CBLN2: variants seen among roughly 807,000 people sequenced by gnomAD.
CBLN2 encodes cerebellin 2 precursor.
In CBLN2, 7 loss-of-function variants were observed where a neutral mutation model predicts 15.0. The ratio of observed to expected loss-of-function variants is 0.47; its 90% CI spans 0.27 to 0.88. CBLN2 has a LOEUF of 0.88. Ranked by LOEUF, CBLN2 falls within the 40% of genes least tolerant of loss-of-function variation. The pLI is 0.14. For missense variants in CBLN2, 242 were observed against 304.5 expected, an observed-to-expected ratio of 0.79 and a Z score of 1.53; for synonymous variants, 149 against 135.2, an observed-to-expected ratio of 1.10 and a Z score of -0.71.
chr18:72,596,789 G>A (rs543774168), intron 1 of CBLN2, among the ~76,000 whole-genome samples: 4 of 152,296 alleles, frequency 2.6e-5, no homozygotes, highest in African/African-American at 7.2e-5. Flanking sequence ...GCTGCCAGAT[G>A]TATTGCAGCT....
chr18:72,584,267 C>G (rs1427136488), intron 1 of CBLN2, among the ~76,000 whole-genome samples: 3 of 151,974 alleles, frequency 2.0e-5, no homozygotes, highest in Admixed American at 2.0e-4. Flanking sequence ...CTTTATCATA[C>G]CACACCACCC....
chr18:72,619,473 G>A (rs562941568), intron 1 of CBLN2, among the ~76,000 whole-genome samples: 16 of 152,116 alleles, frequency 1.1e-4, no homozygotes, highest in Non-Finnish European at 2.4e-4. Flanking sequence ...CCAACAAAGG[G>A]TTTTAATATA....
intron 1 of CBLN2, among the ~76,000 whole-genome samples, chr18:72,581,632 C>G (rs1230418775): frequency 6.6e-6 from 1 of 152,146 alleles, no homozygotes; most frequent in African/African-American, 2.4e-5. Context: ...TCTGTATATT[C>G]TCAAAATAAG....
intron 1 of CBLN2, among the ~76,000 whole-genome samples, chr18:72,572,226 T>C (rs1416336720): frequency 6.6e-6 from 1 of 152,066 alleles, no homozygotes; most frequent in African/African-American, 2.4e-5. Context: ...CATTTATTTA[T>C]AAGAACTAAG....
chr18:72,566,415 A>C (rs565699882), intron 1 of CBLN2, among the ~76,000 whole-genome samples: 140 of 152,334 alleles, frequency 9.2e-4, no homozygotes, highest in Admixed American at 4.6e-3. Flanking sequence ...GAATCAACTT[A>C]AGTGTCCATC....
chr18:72,635,856 T>G (rs2144984710), intron 1 of CBLN2, among the ~76,000 whole-genome samples: 1 of 152,236 alleles, frequency 6.6e-6, no homozygotes, highest in East Asian at 1.9e-4. Context: ...TCATATGTAA[T>G]TATCTTCATG....
chr18:72,616,510 T>A (rs1195835350), intron 1 of CBLN2, among the ~76,000 whole-genome samples: 2 of 152,174 alleles, frequency 1.3e-5, no homozygotes, highest in African/African-American at 2.4e-5. Flanking sequence ...TGAGTCTGAT[T>A]CTTGGTCTTT....
chr18:72,606,758 G>A (rs967074463), intron 1 of CBLN2, among the ~76,000 whole-genome samples: 2 of 152,214 alleles, frequency 1.3e-5, no homozygotes, highest in African/African-American at 4.8e-5. Context: ...CAAGGCCTCA[G>A]TGAGAATAAG....
intron 1 of CBLN2, among the ~76,000 whole-genome samples, chr18:72,568,920 A>G (rs1335083983): frequency 6.6e-6 from 1 of 152,204 alleles, no homozygotes; most frequent in Non-Finnish European, 1.5e-5. Context: ...AGTGAAAAAA[A>G]ATCTGAGGAA....
Position 72,538,321 on chromosome 18 carries a change from T to C in CBLN2, c.530A>G (p.Gln177Arg). The change falls in exon 5 of 5, where the codon CAG (glutamine) becomes CGG (arginine). Residue 177 changes from glutamine (Q) to arginine (R), a missense_variant. Around this residue, in one of 4 missense-constraint regions of CBLN2, gnomAD observed 26 missense variants for 70.3 expected, o/e 0.37. Coordinates refer to ENST00000269503, the MANE Select transcript of CBLN2 (RefSeq NM_182511.4). ...GCTAGCAGCTTCTCTGGTGACATCC[T>C]GGTCTCCTGCAAAGGCCGAGATCAC... is the stretch of plus-strand genomic sequence containing the variant. The part of the protein sequence containing the change: ...YPVISAFAGD[Q>R]DVTREAASNG... 6.2e-7 allele frequency: 1 copy of C among 1,614,202 alleles called. No individual in the cohort carries two copies. The highest frequency in any genetic ancestry group is 8.5e-7 in the Non-Finnish European group (1 of 1,180,036).
intron 1 of CBLN2, among the ~76,000 whole-genome samples, chr18:72,567,290 T>C (rs1422185722): frequency 6.6e-6 from 1 of 151,902 alleles, no homozygotes; most frequent in African/African-American, 2.4e-5. Context: ...TATTTCTGTT[T>C]CTGGAGATTA....
At chr18:72,542,533 G>GAGC (rs1442613785) in intron 2 of CBLN2, among the ~76,000 whole-genome samples, 12 of 151,364 alleles carry the variant, frequency 7.9e-5, no homozygotes, top group Admixed American at 7.9e-4. Flanking sequence ...GAAGGCTCCC[G>GAGC]AGCAGCGCGC....
In CBLN2 at chr18:72,593,354, A is replaced by T. The variant is rs143714751; in HGVS notation, c.15+44971T>A. Among the ~76,000 whole-genome samples the T allele has an allele frequency of 2.4e-3, 358 of 152,142 alleles. 2 individuals carry two copies. Among genetic ancestry groups the T allele is most frequent in the East Asian group, 7.3e-3 (38 of 5,182 alleles). ...AAATGCTACCAATTTTTGTATGTTG[A>T]CTTTGTATCTTGAAAATTTTTGAAT... is the stretch of plus-strand genomic sequence containing the variant. On this transcript the variant is annotated intron_variant, in intron 1 of 2. Coordinates refer to the CBLN2 transcript ENST00000581073.
At chr18:72,621,589 C>A (rs544364967) in intron 1 of CBLN2, among the ~76,000 whole-genome samples, 2 of 152,274 alleles carry the variant, frequency 1.3e-5, no homozygotes, top group South Asian at 2.1e-4. Context: ...TAAAACAAAT[C>A]TCATCAGGCC....
intron 3 of CBLN2, 133 bp downstream of exon 3, chr18:72,541,671 G>C (rs180989336): frequency 1.5e-6 from 1 of 647,728 alleles, no homozygotes; most frequent in Non-Finnish European, 2.5e-6. Flanking sequence ...CGGGAGGAAA[G>C]AGACTAGCAG....
intron 3 of CBLN2, chr18:72,539,883 A>G (rs1265446962): frequency 6.6e-6 from 1 of 152,236 alleles, no homozygotes; most frequent in Non-Finnish European, 1.5e-5. Context: ...TAATGGGAAT[A>G]CAAACTTCAA....
At chr18:72,617,618 T>G (rs1041076709) in intron 1 of CBLN2, among the ~76,000 whole-genome samples, 2 of 152,224 alleles carry the variant, frequency 1.3e-5, no homozygotes, top group Non-Finnish European at 2.9e-5. Flanking sequence ...TTACATGATA[T>G]AGAAAGGTGA....
chr18:72,638,394 C>T, exon 1 of CBLN2: 1 of 398,414 alleles, frequency 2.5e-6, no homozygotes, highest in South Asian at 1.3e-4. Context: ...GAATGTTGTC[C>T]AGTAAATTCA....
At chr18:72,609,586 C>G (rs2069607389) in intron 1 of CBLN2, among the ~76,000 whole-genome samples, 1 of 152,044 alleles carries the variant, frequency 6.6e-6, no homozygotes, top group Non-Finnish European at 1.5e-5. Flanking sequence ...AGTCTGAAAG[C>G]CATCCTGCAT....
Sources: gnomAD v4.1 joint callset for allele counts (sites outside exome capture counted in the v4.1 genomes callset) on GRCh38, gnomAD v4.1.1 for gene constraint, gnomAD v4.1.1 regional missense constraint, MANE v1.5 for transcripts, NCBI Gene and HGNC (gene_info 2026-07-23, HGNC 2026-07-21) for gene names.